FAM227B: variants seen among roughly 807,000 people sequenced by gnomAD.
FAM227B encodes family with sequence similarity 227 member B, also known as protein FAM227B.
Under a neutral mutation model 73.8 loss-of-function variants are expected in FAM227B, and 88 were observed. The ratio of observed to expected loss-of-function variants is 1.19; its 90% confidence interval spans 1.00 to 1.42. The LOEUF (loss-of-function observed/expected upper bound fraction) is 1.42. FAM227B is among the 40% of genes most tolerant of loss of function. FAM227B has a pLI of 0.00. For synonymous variants in FAM227B, 210 were observed against 190.5 expected, an observed-to-expected ratio of 1.10 and a Z score of -0.84; for missense variants, 632 against 590.9, an observed-to-expected ratio of 1.07 and a Z score of -0.72.
At chr15:49,551,160 C>CA (rs1281633792) in intron 9 of FAM227B, among the ~76,000 whole-genome samples, 1 of 152,178 alleles carries the variant, frequency 6.6e-6, no homozygotes, top group Non-Finnish European at 1.5e-5. Flanking sequence ...CACGCGCCTG[C>CA]AATTGCAGGC....
intron 13 of FAM227B, among the ~76,000 whole-genome samples, chr15:49,338,273 G>A (rs1211765640): frequency 6.6e-6 from 1 of 152,192 alleles, no homozygotes; most frequent in African/African-American, 2.4e-5. Context: ...GGTACCGGTT[G>A]TTCCTTTCCA....
At chr15:49,531,580 C>T (rs2060612056) in intron 10 of FAM227B, among the ~76,000 whole-genome samples, 1 of 151,882 alleles carries the variant, frequency 6.6e-6, no homozygotes, top group South Asian at 2.1e-4. Flanking sequence ...TGAGAAGATA[C>T]AGCTAATGCT....
chr15:49,350,417 T>C (rs1047165049), intron 13 of FAM227B, among the ~76,000 whole-genome samples: 4 of 152,202 alleles, frequency 2.6e-5, no homozygotes, highest in African/African-American at 4.8e-5. Flanking sequence ...CTCTAAATAA[T>C]CTATATTGCA....
chr15:49,554,312 C>T (rs887799076), intron 9 of FAM227B, among the ~76,000 whole-genome samples: 1 of 152,134 alleles, frequency 6.6e-6, no homozygotes, highest in African/African-American at 2.4e-5. Flanking sequence ...ACTGATGTGT[C>T]ACTATGTTGC....
intron 11 of FAM227B, among the ~76,000 whole-genome samples, chr15:49,433,398 G>C (rs559721050): frequency 1.7e-4 from 25 of 151,120 alleles, no homozygotes; most frequent in African/African-American, 6.1e-4. Context: ...GAGGTGAAAG[G>C]GTAAAAGAGG....
intron 13 of FAM227B, among the ~76,000 whole-genome samples, chr15:49,355,299 G>C (rs918134105): frequency 6.6e-6 from 1 of 152,140 alleles, no homozygotes; most frequent in Non-Finnish European, 1.5e-5. Context: ...TCTGAGCTAC[G>C]GGAGGACATT....
chr15:49,361,397 C>T (rs1437750087), intron 13 of FAM227B, among the ~76,000 whole-genome samples: 3 of 152,120 alleles, frequency 2.0e-5, no homozygotes, highest in Non-Finnish European at 4.4e-5. Flanking sequence ...CACCCTCCTC[C>T]TTCCCTCCTC....
chr15:49,531,674 C>G (rs1210748066), intron 10 of FAM227B, among the ~76,000 whole-genome samples: 1 of 152,020 alleles, frequency 6.6e-6, no homozygotes, highest in East Asian at 1.9e-4. Flanking sequence ...CTCCCATCAT[C>G]TTCCCTGTCT....
Position 49,537,731 on chromosome 15 carries a change from A to G in FAM227B, c.874+3949T>C, listed in dbSNP as rs1432658672. Among the ~76,000 whole-genome samples, 4 of 152,348 alleles carry G rather than the reference A, an allele frequency of 2.6e-5. No individual in the cohort carries two copies. The East Asian group carries it at 7.7e-4, about 29-fold the overall frequency. On this transcript the variant is annotated intron_variant, in intron 10 of 15. Coordinates refer to ENST00000299338, the MANE Select transcript of FAM227B (RefSeq NM_152647.3). ...GTATGTGTAAAACAGAATATTATTCAGCATTTTAAAAAAGGAGATCCTGCC... is the reference window on the plus strand; with the variant it reads ...GTATGTGTAAAACAGAATATTATTCGGCATTTTAAAAAAGGAGATCCTGCC...
intron 13 of FAM227B, among the ~76,000 whole-genome samples, chr15:49,355,242 ATGACTT>A (rs1456169510): frequency 6.6e-6 from 1 of 152,262 alleles, no homozygotes; most frequent in Non-Finnish European, 1.5e-5. Flanking sequence ...TGGATGGAGA[ATGACTT>A]TGAAGAGCTC....
intron 9 of FAM227B, among the ~76,000 whole-genome samples, chr15:49,561,517 CT>C (rs2074255851): frequency 6.6e-6 from 1 of 152,114 alleles, no homozygotes; most frequent in African/African-American, 2.4e-5. Context: ...TCAGTTGGAC[CT>C]AACAAATATC....
Position 49,550,702 on chromosome 15 carries a change from C to T in FAM227B, c.748-8896G>A, listed in dbSNP as rs543718491. 8.6e-4 allele frequency among the ~76,000 whole-genome samples: 131 copies of T among 151,924 alleles called. 5 individuals are homozygous for T. The South Asian group carries it at 0.026, about 30-fold the overall frequency. The stretch of plus-strand genomic sequence containing the variant: ...GACGATGGGCGGCCGGGCAGAGACG[C>T]TCCTCACTTCCTAGATGGGATGGCG... On this transcript the variant is annotated intron_variant, in intron 9 of 15. Transcript: ENST00000299338.
At chr15:49,448,205 C>A (rs1020502848) in intron 11 of FAM227B, among the ~76,000 whole-genome samples, 1 of 151,590 alleles carries the variant, frequency 6.6e-6, no homozygotes, top group African/African-American at 2.4e-5. Flanking sequence ...TTCTTTTCAA[C>A]CTTCTCCCTA....
intron 11 of FAM227B, among the ~76,000 whole-genome samples, chr15:49,438,169 T>C (rs1280628819): frequency 6.6e-6 from 1 of 151,660 alleles, no homozygotes; most frequent in Non-Finnish European, 1.5e-5. Flanking sequence ...CTTGGAAAGT[T>C]GTTTTAGGGA....
At chr15:49,351,566 C>T (rs144661197) in intron 13 of FAM227B, among the ~76,000 whole-genome samples, 2 of 152,198 alleles carry the variant, frequency 1.3e-5, no homozygotes, top group Non-Finnish European at 2.9e-5. Context: ...ATGGTGAGAA[C>T]TGAAACTAAC....
chr15:49,614,893 T>C (rs2078189752), intron 2 of FAM227B: 1 of 514,918 alleles, frequency 1.9e-6, no homozygotes, highest in African/African-American at 1.9e-5. Context: ...GGGAGATGGA[T>C]TTGAGACTGA....
At chr15:49,392,743 T>G (rs749785954) in intron 11 of FAM227B, among the ~76,000 whole-genome samples, 1 of 152,174 alleles carries the variant, frequency 6.6e-6, no homozygotes, top group Non-Finnish European at 1.5e-5. Context: ...CATTTAAATA[T>G]TATAGTTGCT....
At chr15:49,365,432 A>G in intron 13 of FAM227B, 1 of 945,704 alleles carries the variant, frequency 1.1e-6, no homozygotes, top group Non-Finnish European at 1.7e-6. Context: ...CGCAAGCAAC[A>G]GGCCTGTACA....
intron 11 of FAM227B, among the ~76,000 whole-genome samples, chr15:49,502,112 AG>A (rs1483104195): frequency 6.6e-6 from 1 of 152,254 alleles, no homozygotes. Flanking sequence ...AGCCTGCTGC[AG>A]GGGCAGAGCC....
Sources: gnomAD v4.1 joint callset for allele counts (sites outside exome capture counted in the v4.1 genomes callset) on GRCh38, gnomAD v4.1.1 for gene constraint, MANE v1.5 for transcripts, NCBI Gene and HGNC (gene_info 2026-07-23, HGNC 2026-07-21) for gene names.